Variants in SPSB1 observed in about 807,000 individuals in gnomAD.
SPSB1 encodes SPRY domain-containing SOCS box protein 1.
In SPSB1, 8 loss-of-function variants were observed where a neutral mutation model predicts 21.2. The ratio of observed to expected loss-of-function variants is 0.38; its 90% CI spans 0.22 to 0.68. The LOEUF (loss-of-function observed/expected upper bound fraction) is 0.68, where lower values mean the gene tolerates loss of function less well. SPSB1 is among the 30% of genes least tolerant of loss of function. The pLI, the probability that SPSB1 is intolerant of heterozygous loss-of-function variation, is 0.53. For missense variants in SPSB1, 242 were observed against 377.8 expected, an observed-to-expected ratio of 0.64 and a Z score of 2.98; for synonymous variants, 169 against 161.7, an observed-to-expected ratio of 1.05 and a Z score of -0.34.
chr1:9,325,198 C>T lies in SPSB1; in HGVS notation c.-149-30545C>T, dbSNP rs533962383. ...CCAAGAAGACCTGTACTCCGCCCTC[C>T]GGCCTGAGCCAATGCCTCCCACCAC... On this transcript the variant is annotated intron_variant, in intron 1 of 2. Coordinates refer to ENST00000328089, the MANE Select transcript of SPSB1 (RefSeq NM_025106.4). Among the ~76,000 whole-genome samples the T allele has an allele frequency of 1.2e-3, 187 of 149,700 alleles. 2 individuals are homozygous for T. Among genetic ancestry groups the T allele is most frequent in the African/African-American group, 4.2e-3 (171 of 40,602 alleles).
At chr1:9,337,823 C>T (rs1640028555) in intron 1 of SPSB1, among the ~76,000 whole-genome samples, 1 of 152,172 alleles carries the variant, frequency 6.6e-6, no homozygotes, top group Non-Finnish European at 1.5e-5. Context: ...CTGGGACGCC[C>T]CATGAAGCCA....
At chr1:9,298,292 A>G (rs1037735271) in intron 1 of SPSB1, among the ~76,000 whole-genome samples, 2 of 152,264 alleles carry the variant, frequency 1.3e-5, no homozygotes, top group Admixed American at 6.5e-5. Flanking sequence ...TAATTAAAAC[A>G]GAAAAATAAT....
chr1:9,335,854 A>G (rs1203000456), intron 1 of SPSB1, among the ~76,000 whole-genome samples: 1 of 150,634 alleles, frequency 6.6e-6, no homozygotes, highest in Non-Finnish European at 1.5e-5. Flanking sequence ...TCCCTTGATC[A>G]GTGGCTGGAC....
In SPSB1 at chr1:9,363,845, C is replaced by G. The variant is rs1640515659; in HGVS notation, c.695-3603C>G. Reference sequence around the variant, plus strand: ...ACTCCCAAGTAGCTGGGACTACAGGCATGCACGACCACACCCAGCTAATTT... The same window carrying G: ...ACTCCCAAGTAGCTGGGACTACAGGGATGCACGACCACACCCAGCTAATTT... On this transcript the variant is annotated intron_variant, in intron 2 of 2. Transcript: ENST00000328089. The surrounding 1 kb of genome is among the most constrained non-coding windows in gnomAD (Gnocchi z 4.5). Among the ~76,000 whole-genome samples the G allele has an allele frequency of 2.0e-5, 3 of 152,160 alleles. No individual in the cohort carries two copies. Among genetic ancestry groups the G allele is most frequent in the African/African-American group, 7.2e-5 (3 of 41,440 alleles).
rs1359311715 is a variant in SPSB1 at position 9,346,670 on chromosome 1, C to T, written c.-149-9073C>T. Among the ~76,000 whole-genome samples the T allele has an allele frequency of 6.6e-6, 1 of 152,320 alleles. No individual in the cohort carries two copies. The highest frequency in any genetic ancestry group is 1.5e-5 in the Non-Finnish European group (1 of 68,020). On this transcript the variant is annotated intron_variant, in intron 1 of 2. Transcript: ENST00000328089. This position sits in a 1 kb window ranked among gnomAD's most constrained non-coding sequence, Gnocchi z 4.4. The stretch of plus-strand genomic sequence containing the variant: ...CAGTCTGGCCTGTCTCAGCCTCCCC[C>T]AGGGTCTGCTCTCAGTGCCTCATTC...
chr1:9,316,481 A>G (rs1388091439), intron 1 of SPSB1, among the ~76,000 whole-genome samples: 2 of 152,148 alleles, frequency 1.3e-5, no homozygotes, highest in Non-Finnish European at 2.9e-5. Context: ...GCAGACTTTG[A>G]TGGGCACGTA....
At chr1:9,333,477 C>T (rs1197551216) in intron 1 of SPSB1, among the ~76,000 whole-genome samples, 2 of 152,054 alleles carry the variant, frequency 1.3e-5, no homozygotes, top group Non-Finnish European at 1.5e-5. Context: ...ACTACAGGCG[C>T]GTGCCACTAT....
Position 9,355,790 on chromosome 1 carries a change from A to G in SPSB1, c.-102A>G, listed in dbSNP as rs913083072. ...TTGCAGAGGTCTCCTGGCAGCCCTC[A>G]TTAGGAATTCTGTCTGGCCCCGATC... On this transcript the variant is annotated 5_prime_UTR_variant, in exon 2 of 3. Coordinates refer to ENST00000328089, the MANE Select transcript of SPSB1 (RefSeq NM_025106.4). 8.2e-5 allele frequency: 123 copies of G among 1,495,144 alleles called. No homozygotes were observed. Among genetic ancestry groups the G allele is most frequent in the Non-Finnish European group, 9.3e-5 (105 of 1,123,468 alleles). The allele number at this position is 1,495,144 out of a possible 1,614,324, so 92.6% of individuals were successfully genotyped here. A position where few individuals can be genotyped will look rare whatever the true frequency, so the allele number is the denominator to read the frequency against.
Position 9,307,825 on chromosome 1 carries a change from C to G in SPSB1, c.-150+14754C>G, listed in dbSNP as rs115907745. Among the ~76,000 whole-genome samples, 736 of 152,320 alleles carry G rather than the reference C, an allele frequency of 4.8e-3. 7 individuals carry two copies. The highest frequency in any genetic ancestry group is 0.017 in the African/African-American group (708 of 41,570). On this transcript the variant is annotated intron_variant, in intron 1 of 2. Coordinates refer to ENST00000328089, the MANE Select transcript of SPSB1 (RefSeq NM_025106.4). ...TTGAGCCCATCAGCAGTTCCCATTG[C>G]TATTACGGTGAATTTGTAAATCCAT...
chr1:9,299,456 C>T (rs997620566), intron 1 of SPSB1, among the ~76,000 whole-genome samples: 1 of 151,562 alleles, frequency 6.6e-6, no homozygotes, highest in African/African-American at 2.4e-5. Flanking sequence ...CTGGGCAACA[C>T]AGTGAGACGT....
At chr1:9,309,627 G>A (rs539904491) in intron 1 of SPSB1, among the ~76,000 whole-genome samples, 3 of 152,254 alleles carry the variant, frequency 2.0e-5, no homozygotes, top group South Asian at 4.2e-4. Flanking sequence ...TGGATCACCC[G>A]AGGTCAGGAG....
chr1:9,360,081 C>A lies in SPSB1; in HGVS notation c.694+3496C>A, dbSNP rs767382616. 3.9e-5 allele frequency among the ~76,000 whole-genome samples: 6 copies of A among 152,048 alleles called. 1 individual carries two copies. Among genetic ancestry groups the A allele is most frequent in the Admixed American group, 3.9e-4 (6 of 15,274 alleles). On this transcript the variant is annotated intron_variant, in intron 2 of 2. Transcript: ENST00000328089. ...GCCCTGCAAGCCTAGTCTCAGAGAGCGGTCAGTGGGGGAGTTGTCTGCACA... is the reference window on the plus strand; with the variant it reads ...GCCCTGCAAGCCTAGTCTCAGAGAGAGGTCAGTGGGGGAGTTGTCTGCACA...
At chr1:9,343,236 C>T (rs1371951365) in intron 1 of SPSB1, among the ~76,000 whole-genome samples, 1 of 152,146 alleles carries the variant, frequency 6.6e-6, no homozygotes, top group African/African-American at 2.4e-5. Context: ...TTCATCACCC[C>T]TAAAAGAAAC....
At chr1:9,359,264 G>A (rs144506644) in intron 2 of SPSB1, among the ~76,000 whole-genome samples, 699 of 152,306 alleles carry the variant, frequency 4.6e-3, no homozygotes, top group Non-Finnish European at 6.4e-3. Flanking sequence ...TTGGGACACC[G>A]AGCAAAACAT....
Position 9,317,837 on chromosome 1 carries a change from A to AT in SPSB1, c.-150+24785dup, listed in dbSNP as rs34392416. Among the ~76,000 whole-genome samples the AT allele has an allele frequency of 0.42, 55,821 of 134,462 alleles. 11,905 individuals are homozygous for AT. The highest frequency in any genetic ancestry group is 0.46 in the Non-Finnish European group (29,461 of 64,144). 88.2% of individuals were successfully genotyped at this position (134,462 alleles called of 152,430 possible). ...GTGATTTCCGGTGGCGAGGGAACCAATTTTTTTTTTTTTTTTTTTGAGACC... is the reference window on the plus strand; with the variant it reads ...GTGATTTCCGGTGGCGAGGGAACCAATTTTTTTTTTTTTTTTTTTTGAGACC... On this transcript the variant is annotated intron_variant, in intron 1 of 2. Coordinates refer to ENST00000328089, the MANE Select transcript of SPSB1 (RefSeq NM_025106.4). This position sits in a 1 kb window ranked among gnomAD's most constrained non-coding sequence, Gnocchi z 4.3.
chr1:9,341,121 C>G (rs1239836794), intron 1 of SPSB1, among the ~76,000 whole-genome samples: 2 of 152,184 alleles, frequency 1.3e-5, no homozygotes, highest in Admixed American at 1.3e-4. Context: ...CTTGTGTTCT[C>G]AAAATGTGAT....
chr1:9,333,738 A>G (rs1053467276), intron 1 of SPSB1, among the ~76,000 whole-genome samples: 1 of 152,002 alleles, frequency 6.6e-6, no homozygotes. Flanking sequence ...TCATTTTTTT[A>G]TTCCAACGGA....
At chr1:9,306,046 A>C (rs1393217644) in intron 1 of SPSB1, among the ~76,000 whole-genome samples, 2 of 152,090 alleles carry the variant, frequency 1.3e-5, no homozygotes, top group East Asian at 1.9e-4. Context: ...TTGGGGACAG[A>C]GCAGTGGTTT....
In SPSB1 at chr1:9,348,877, T is replaced by A. The variant is rs1640205391; in HGVS notation, c.-149-6866T>A. ...CGTCCCATGGCTGCTCTGGAAACAC[T>A]GGGTTGAGGGCTTTTGCCGTCAAAG... is the stretch of plus-strand genomic sequence containing the variant. On this transcript the variant is annotated intron_variant, in intron 1 of 2. Transcript: ENST00000328089. The surrounding 1 kb of genome is among the most constrained non-coding windows in gnomAD (Gnocchi z 4.8). Among the ~76,000 whole-genome samples the A allele has an allele frequency of 6.6e-6, 1 of 151,772 alleles. No homozygotes were observed. The highest frequency in any genetic ancestry group is 2.1e-4 in the South Asian group (1 of 4,810).
Sources: allele counts gnomAD v4.1 joint callset (sites outside exome capture counted in the v4.1 genomes callset), GRCh38; gene constraint gnomAD v4.1.1; non-coding constraint Gnocchi (gnomAD v3.1); transcripts MANE v1.5; gene names NCBI Gene and HGNC (gene_info 2026-07-23, HGNC 2026-07-21).